The following APBB2 variants were observed in gnomAD, a reference collection of about 807,000 sequenced individuals.
APBB2 encodes the protein amyloid beta precursor protein binding family B member 2.
APBB2 carries 38 observed loss-of-function variants against 82.5 expected under a neutral mutation model. That is an observed-to-expected ratio of 0.46 (90% CI 0.36 to 0.60). APBB2 has a LOEUF of 0.60. APBB2 is among the 20% of genes least tolerant of loss of function. The pLI is 0.00. For synonymous variants in APBB2, 341 were observed against 368.2 expected (o/e 0.93, Z 0.85); for missense variants, 772 against 972.3 (o/e 0.79, Z 2.74).
chr4:41,081,620 A>G (rs1407656240), intron 3 of APBB2, among the ~76,000 whole-genome samples: 1 of 152,150 alleles, frequency 6.6e-6, no homozygotes, highest in Non-Finnish European at 1.5e-5. Context: ...CATCTCAACA[A>G]AGCTTTAAGA....
At chr4:40,872,040 C>G (rs1765646613) in intron 12 of APBB2, among the ~76,000 whole-genome samples, 1 of 152,222 alleles carries the variant, frequency 6.6e-6, no homozygotes. Context: ...TATATTTCCC[C>G]AACCCTTGAA....
At chr4:41,055,808 T>G (rs982366327) in intron 4 of APBB2, among the ~76,000 whole-genome samples, 2 of 152,248 alleles carry the variant, frequency 1.3e-5, no homozygotes, top group African/African-American at 4.8e-5. Context: ...TAGTTGCATC[T>G]ATGTAACAGA....
intron 1 of APBB2, among the ~76,000 whole-genome samples, chr4:41,166,400 G>C (rs998931930): frequency 6.6e-6 from 1 of 151,500 alleles, no homozygotes; most frequent in African/African-American, 2.4e-5. Context: ...AAAATAACGA[G>C]ACCTCATCTC....
At chr4:40,928,428 A>ACACACACACACACAG (rs201061451) in intron 10 of APBB2, among the ~76,000 whole-genome samples, 1 of 54,082 alleles carries the variant, frequency 1.8e-5, no homozygotes. Context: ...ACACACACAC[A>ACACACACACACACAG]ATCAGCCAGG....
chr4:40,834,743 G>A (rs2154305820), intron 12 of APBB2, among the ~76,000 whole-genome samples: 1 of 152,262 alleles, frequency 6.6e-6, no homozygotes, highest in East Asian at 1.9e-4. Flanking sequence ...AGGAATGCAG[G>A]CAGCCTCAAG....
chr4:40,850,607 G>A lies in APBB2; in HGVS notation c.1530-20030C>T, dbSNP rs185777853. Among the ~76,000 whole-genome samples the A allele has an allele frequency of 2.7e-3, 411 of 152,212 alleles. 2 individuals carry two copies. The highest frequency in any genetic ancestry group is 9.5e-3 in the African/African-American group (395 of 41,536). On this transcript the variant is annotated intron_variant, in intron 12 of 17. Transcript: ENST00000508593. Reference sequence around the variant, plus strand: ...TTGTGAATGAAGAGTATTGGACCACGGCCACACTCATTCACTTAGGCAGAG... The same window carrying A: ...TTGTGAATGAAGAGTATTGGACCACAGCCACACTCATTCACTTAGGCAGAG...
At chr4:41,039,809 G>A (rs1307089152) in intron 4 of APBB2, among the ~76,000 whole-genome samples, 2 of 146,658 alleles carry the variant, frequency 1.4e-5, no homozygotes, top group African/African-American at 5.1e-5. Flanking sequence ...GCAGTGAGTT[G>A]TGAAACAAGG....
chr4:40,819,938 A>G (rs1747227198), intron 17 of APBB2, among the ~76,000 whole-genome samples: 1 of 152,176 alleles, frequency 6.6e-6, no homozygotes, highest in Non-Finnish European at 1.5e-5. Context: ...TAGCCTCCTC[A>G]GAAGCTGGGA....
intron 10 of APBB2, among the ~76,000 whole-genome samples, chr4:40,919,761 C>T (rs1326866590): frequency 6.6e-6 from 1 of 152,208 alleles, no homozygotes; most frequent in Non-Finnish European, 1.5e-5. Flanking sequence ...TTAGAGTAGG[C>T]TGTAGATTAT....
chr4:40,875,003 G>A (rs1766513445), intron 12 of APBB2, among the ~76,000 whole-genome samples: 1 of 152,234 alleles, frequency 6.6e-6, no homozygotes, highest in Non-Finnish European at 1.5e-5. Context: ...CAGAGCTGTT[G>A]TGTGACATTT....
intron 1 of APBB2, among the ~76,000 whole-genome samples, chr4:41,156,780 A>G (rs1763563162): frequency 6.6e-6 from 1 of 152,126 alleles, no homozygotes; most frequent in South Asian, 2.1e-4. Context: ...TAAAACAAGA[A>G]TCAGACGGGG....
At chr4:41,001,447 G>A (rs1477473498) in intron 6 of APBB2, among the ~76,000 whole-genome samples, 1 of 152,182 alleles carries the variant, frequency 6.6e-6, no homozygotes, top group African/African-American at 2.4e-5. Context: ...TACCAATTCA[G>A]TGTAGTTCTA....
At chr4:41,163,988 C>T (rs1765841324) in intron 1 of APBB2, among the ~76,000 whole-genome samples, 1 of 152,114 alleles carries the variant, frequency 6.6e-6, no homozygotes. Flanking sequence ...AAAGAAAAGT[C>T]TATAAGATCT....
intron 12 of APBB2, among the ~76,000 whole-genome samples, chr4:40,852,302 G>T (rs1759725815): frequency 7.0e-6 from 1 of 143,778 alleles, no homozygotes; most frequent in African/African-American, 2.6e-5. Context: ...AGGGGGCCGA[G>T]ATCGTGACAC....
chr4:40,893,478 C>T, intron 10 of APBB2, 67 bp from the exon 11 acceptor site: 1 of 1,445,014 alleles, frequency 6.9e-7, no homozygotes. Context: ...GTTTACACTA[C>T]TCCCCTCCCG....
intron 12 of APBB2, 91 bp from the exon 13 acceptor site, chr4:40,830,668 C>G: frequency 1.3e-6 from 1 of 743,218 alleles, no homozygotes; most frequent in South Asian, 1.5e-5. Flanking sequence ...TAGCAGCCAG[C>G]GTGTCAATGG....
intron 1 of APBB2, among the ~76,000 whole-genome samples, chr4:41,182,853 A>G (rs1314950720): frequency 1.3e-5 from 2 of 152,230 alleles, no homozygotes; most frequent in African/African-American, 4.8e-5. Flanking sequence ...AACCACCCCC[A>G]TGATTCAATT....
At chr4:40,965,935 A>T (rs1794565317) in intron 6 of APBB2, among the ~76,000 whole-genome samples, 1 of 152,222 alleles carries the variant, frequency 6.6e-6, no homozygotes, top group South Asian at 2.1e-4. Flanking sequence ...ATAACGTTCT[A>T]CTGCTCTCAC....
intron 10 of APBB2, among the ~76,000 whole-genome samples, chr4:40,912,567 A>C (rs1434910185): frequency 6.9e-6 from 1 of 145,178 alleles, no homozygotes; most frequent in East Asian, 2.0e-4. Context: ...ACAGAGCAAG[A>C]TTCCTTCTCA....
Sources: allele counts gnomAD v4.1 joint callset (sites outside exome capture counted in the v4.1 genomes callset), GRCh38; gene constraint gnomAD v4.1.1; transcripts MANE v1.5; gene names NCBI Gene and HGNC (gene_info 2026-07-23, HGNC 2026-07-21).